The following FAM117B variants were observed in gnomAD, a reference collection of about 807,000 sequenced individuals.
FAM117B encodes the protein protein FAM117B.
In FAM117B, 22 loss-of-function variants were observed where a neutral mutation model predicts 52.8. The observed-to-expected ratio is 0.42, with a 90% CI of 0.30 to 0.59. The LOEUF is 0.59. Ranked by LOEUF, FAM117B falls within the 20% of genes least tolerant of loss-of-function variation. The pLI, the probability that FAM117B is intolerant of heterozygous loss-of-function variation, is 0.22. For missense variants in FAM117B, 678 were observed against 802.6 expected, an observed-to-expected ratio of 0.84 and a Z score of 1.88; for synonymous variants, 309 against 324.1, an observed-to-expected ratio of 0.95 and a Z score of 0.50.
In FAM117B at chr2:202,635,603, G is replaced by GGCCGCC. The variant is rs781743179; in HGVS notation, c.431_436dup (p.Pro144_Pro145dup). 5.5e-5 allele frequency: 71 copies of GGCCGCC among 1,279,900 alleles called. No homozygotes were observed. Among genetic ancestry groups the GGCCGCC allele is most frequent in the Middle Eastern group, 6.0e-4 (2 of 3,330 alleles). 79.3% of individuals were successfully genotyped at this position (1,279,900 alleles called of 1,614,324 possible). A position where few individuals can be genotyped will look rare whatever the true frequency, so the allele number is the denominator to read the frequency against. ...CCTGGAGCTCGCGGGAGCCCCCCACGGCCGCCGCCGCCGCCGCCGCTGCTG... is the reference window on the plus strand; with the variant it reads ...CCTGGAGCTCGCGGGAGCCCCCCACGGCCGCCGCCGCCGCCGCCGCCGCCGCTGCTG... On this transcript the variant is annotated inframe_insertion, in exon 1 of 8. Transcript: ENST00000392238.
chr2:202,722,800 A>G (rs2105786264), intron 2 of FAM117B, among the ~76,000 whole-genome samples: 1 of 152,212 alleles, frequency 6.6e-6, no homozygotes, highest in East Asian at 1.9e-4. Context: ...TACCTATGTA[A>G]CCAGTACATG....
intron 1 of FAM117B, among the ~76,000 whole-genome samples, chr2:202,659,872 G>A (rs1007812000): frequency 1.3e-5 from 2 of 151,716 alleles, no homozygotes; most frequent in Admixed American, 6.6e-5. Flanking sequence ...ACCCGCATCG[G>A]CCTCCCAAAG....
intron 4 of FAM117B, among the ~76,000 whole-genome samples, chr2:202,735,358 A>T (rs1343020640): frequency 6.6e-6 from 1 of 152,226 alleles, no homozygotes; most frequent in East Asian, 1.9e-4. Flanking sequence ...GATTTTTACT[A>T]GGAAATTAAT....
intron 2 of FAM117B, among the ~76,000 whole-genome samples, chr2:202,697,117 G>C (rs953195178): frequency 6.6e-6 from 1 of 152,104 alleles, no homozygotes; most frequent in Non-Finnish European, 1.5e-5. Flanking sequence ...CTACCCCTTA[G>C]TTTTACAGAT....
intron 2 of FAM117B, among the ~76,000 whole-genome samples, chr2:202,713,762 A>G (rs1690993185): frequency 6.6e-6 from 1 of 152,050 alleles, no homozygotes; most frequent in South Asian, 2.1e-4. Context: ...GTTGGAGTGC[A>G]GTGGTGTGAT....
chr2:202,747,102 A>C (rs1691646735), intron 4 of FAM117B, among the ~76,000 whole-genome samples: 1 of 152,200 alleles, frequency 6.6e-6, no homozygotes, highest in Non-Finnish European at 1.5e-5. Flanking sequence ...GATTTATTCC[A>C]GTGATGCAAA....
At position 202,767,129 on chromosome 2, in the gene FAM117B, G is replaced by A. The variant is rs536647937; in HGVS notation, c.*1365G>A. 3 of 149,752 alleles carry A rather than the reference G, an allele frequency of 2.0e-5. No homozygotes were observed. The highest frequency in any genetic ancestry group is 6.7e-5 in the Admixed American group (1 of 14,956). The allele number at this position is 149,752 out of a possible 1,614,324, so 9.3% of individuals were successfully genotyped here. ...ACATGACATCAGTATGTGATTTCTG[G>A]GTATGTGGTAGTGAGATTAAGGAGC... On this transcript the variant is annotated 3_prime_UTR_variant, in exon 8 of 8. Transcript: ENST00000392238.
At chr2:202,674,343 C>T (rs9288330) in intron 1 of FAM117B, among the ~76,000 whole-genome samples, 13,757 of 152,232 alleles carry the variant, frequency 0.09, 2,089 homozygotes, top group African/African-American at 0.31. Context: ...GTCTGGGCTC[C>T]GTACATATAT....
At chr2:202,680,256 C>T (rs1254600189) in intron 1 of FAM117B, among the ~76,000 whole-genome samples, 1 of 151,744 alleles carries the variant, frequency 6.6e-6, no homozygotes, top group Non-Finnish European at 1.5e-5. Context: ...GAAGGAAGAG[C>T]CACAAAAAAA....
chr2:202,724,888 A>C, intron 2 of FAM117B, 29 bp from the exon 3 acceptor site: 1 of 1,533,732 alleles, frequency 6.5e-7, no homozygotes, highest in Non-Finnish European at 8.9e-7. Flanking sequence ...ATTTTTGTTA[A>C]ATACACCTCC....
chr2:202,675,090 C>G (rs77769410), intron 1 of FAM117B, among the ~76,000 whole-genome samples: 12,310 of 151,660 alleles, frequency 0.081, 1,657 homozygotes, highest in African/African-American at 0.28. Flanking sequence ...AAAAATTAGC[C>G]CAGGCATGGT....
At chr2:202,735,787 TG>T (rs1341839678) in intron 4 of FAM117B, among the ~76,000 whole-genome samples, 3 of 152,210 alleles carry the variant, frequency 2.0e-5, no homozygotes, top group African/African-American at 7.2e-5. Flanking sequence ...ACAGTAGTTA[TG>T]TTTTTTTTAT....
intron 1 of FAM117B, among the ~76,000 whole-genome samples, chr2:202,656,843 A>G (rs1158430315): frequency 6.6e-6 from 1 of 152,008 alleles, no homozygotes; most frequent in African/African-American, 2.4e-5. Context: ...TGCTTCATAT[A>G]TTTTGAAGCT....
At chr2:202,753,604 CA>C (rs902918433) in intron 4 of FAM117B, among the ~76,000 whole-genome samples, 1 of 152,180 alleles carries the variant, frequency 6.6e-6, no homozygotes, top group South Asian at 2.1e-4. Flanking sequence ...AAAACTTTTG[CA>C]ATCTACCCAT....
At chr2:202,658,503 T>C (rs1327340690) in intron 1 of FAM117B, among the ~76,000 whole-genome samples, 1 of 152,124 alleles carries the variant, frequency 6.6e-6, no homozygotes, top group East Asian at 1.9e-4. Flanking sequence ...GGTTTCACCT[T>C]GTTGACCAGG....
intron 2 of FAM117B, among the ~76,000 whole-genome samples, chr2:202,716,269 T>G (rs1691054779): frequency 6.6e-6 from 1 of 152,178 alleles, no homozygotes. Context: ...GCGTATATAG[T>G]TTTTCATAAA....
chr2:202,757,173 T>C, intron 5 of FAM117B, 40 bp from the exon 6 acceptor site: 1 of 1,576,256 alleles, frequency 6.3e-7, no homozygotes, highest in Non-Finnish European at 8.7e-7. Flanking sequence ...GATTCGAAAT[T>C]AATTATAAAT....
chr2:202,645,484 T>G (rs1236255879), intron 1 of FAM117B, among the ~76,000 whole-genome samples: 1 of 149,294 alleles, frequency 6.7e-6, no homozygotes, highest in Non-Finnish European at 1.5e-5. Flanking sequence ...AGAGACGGGG[T>G]TTCACTGTGT....
At chr2:202,640,273 AC>A (rs2105750967) in intron 1 of FAM117B, among the ~76,000 whole-genome samples, 1 of 130,366 alleles carries the variant, frequency 7.7e-6, no homozygotes, top group African/African-American at 2.9e-5. Flanking sequence ...CTCCGTCACA[AC>A]AACCACCACC....
Sources: allele counts gnomAD v4.1 joint callset (sites outside exome capture counted in the v4.1 genomes callset), GRCh38; gene constraint gnomAD v4.1.1; transcripts MANE v1.5; gene names NCBI Gene and HGNC (gene_info 2026-07-23, HGNC 2026-07-21).